RPA2: variants seen among roughly 807,000 people sequenced by gnomAD.
RPA2 encodes the protein replication protein A2.
In RPA2, 22 loss-of-function variants were observed where a neutral mutation model predicts 33.4. The observed-to-expected ratio is 0.66, with a 90% CI of 0.47 to 0.94. RPA2 has a LOEUF of 0.94. Ranked by LOEUF, RPA2 falls within the 40% of genes least tolerant of loss-of-function variation. The probability of loss-of-function intolerance (pLI) is 0.00; values close to 1 mark genes in which losing one functional copy is unlikely to be tolerated. For synonymous variants in RPA2, 109 were observed against 114.9 expected (o/e 0.95, Z 0.33); for missense variants, 279 against 329.9 (o/e 0.85, Z 1.19).
In RPA2 at chr1:27,894,056, C is replaced by G. The variant is rs761625313; in HGVS notation, c.684G>C (p.Gln228His). Residue 228 changes from glutamine to histidine, a missense_variant, in exon 8 of 9, where the codon CAG becomes CAC. Physicochemically the swap from Gln to His is conservative, Grantham distance 24. This residue lies in a region of RPA2 where 274 missense variants were observed against 310.3 expected (regional missense o/e 0.88). Coordinates refer to ENST00000373912, the MANE Select transcript of RPA2 (RefSeq NM_002946.5). ...TGTGTTTCAGCTGGTTCTTGAGATC[C>G]TGAAAGTTCAACCCTTCAGGTCTTG... ...ACPRPEGLNF[Q>H]DLKNQLKHMS... 8 of 1,614,128 alleles carry G rather than the reference C, an allele frequency of 5.0e-6. No homozygotes were observed. The Middle Eastern group carries it at 5.0e-4, about 100-fold the overall frequency.
intron 4 of RPA2, among the ~76,000 whole-genome samples, chr1:27,903,695 G>C (rs2089994220): frequency 6.8e-6 from 1 of 146,878 alleles, no homozygotes; most frequent in African/African-American, 2.5e-5. Flanking sequence ...CTCCAGCCCG[G>C]ATAACACGAG....
chr1:27,914,212 C>A (rs1474881262), intron 1 of RPA2, 43 bp from the exon 2 acceptor site: 3 of 1,611,700 alleles, frequency 1.9e-6, no homozygotes, highest in Non-Finnish European at 2.5e-6. Context: ...ACGTCCCACG[C>A]CTCCGAGAAA....
intron 2 of RPA2, among the ~76,000 whole-genome samples, chr1:27,907,756 TAGA>T (rs28988918): frequency 0.013 from 1,926 of 152,302 alleles, 41 homozygotes; most frequent in African/African-American, 0.043. Flanking sequence ...CTGTAAAAGG[TAGA>T]AGAATAGCTT....
At chr1:27,911,119 G>A (rs2090090599) in intron 2 of RPA2, among the ~76,000 whole-genome samples, 1 of 152,078 alleles carries the variant, frequency 6.6e-6, no homozygotes, top group African/African-American at 2.4e-5. Context: ...GGGAGGCTGA[G>A]GCAGGAGAAT....
chr1:27,899,296 C>A (rs539043633), intron 4 of RPA2, among the ~76,000 whole-genome samples: 12 of 151,464 alleles, frequency 7.9e-5, no homozygotes, highest in African/African-American at 2.9e-4. Flanking sequence ...ATCACGAGGT[C>A]AGGAGTTCGA....
intron 2 of RPA2, among the ~76,000 whole-genome samples, chr1:27,913,608 G>T (rs1029237964): frequency 2.7e-5 from 4 of 150,266 alleles, no homozygotes; most frequent in African/African-American, 7.3e-5. Flanking sequence ...AAAAAAGAAT[G>T]TAAAAGAGAC....
At position 27,894,162 on chromosome 1, in the gene RPA2, G is replaced by A; in HGVS notation, c.634-56C>T. ...ATTATTTTGGATCAGCCTCCCCTTTGCAAACCTGAGTCCCTTTATAGAAAA... is the reference window on the plus strand; with the variant it reads ...ATTATTTTGGATCAGCCTCCCCTTTACAAACCTGAGTCCCTTTATAGAAAA... On this transcript the variant is annotated intron_variant, in intron 7 of 8. Coordinates refer to ENST00000373912, the MANE Select transcript of RPA2 (RefSeq NM_002946.5). 9 of 1,536,416 alleles carry A rather than the reference G, an allele frequency of 5.9e-6. No individual in the cohort carries two copies. The South Asian group carries it at 1.0e-4, about 17-fold the overall frequency.
At chr1:27,897,262 A>G in intron 5 of RPA2, 141 bp from the exon 6 acceptor site, 1 of 601,472 alleles carries the variant, frequency 1.7e-6, no homozygotes, top group Non-Finnish European at 2.9e-6. Flanking sequence ...AGGTATTCCA[A>G]ATATGGTCAA....
At chr1:27,906,024 T>C (rs1404034884) in intron 4 of RPA2, among the ~76,000 whole-genome samples, 3 of 152,184 alleles carry the variant, frequency 2.0e-5, no homozygotes, top group East Asian at 1.9e-4. Context: ...AGGACCACTA[T>C]GTGACTAGCA....
chr1:27,909,801 T>C (rs2090075733), intron 2 of RPA2, among the ~76,000 whole-genome samples: 1 of 152,074 alleles, frequency 6.6e-6, no homozygotes, highest in Non-Finnish European at 1.5e-5. Flanking sequence ...CTAGGAATGA[T>C]ATTATAAAAA....
chr1:27,914,185 G>C lies in RPA2; in HGVS notation c.11-16C>G. 1.2e-6 allele frequency: 2 copies of C among 1,613,744 alleles called. No individual in the cohort carries two copies. Among genetic ancestry groups the C allele is most frequent in the Non-Finnish European group, 1.7e-6 (2 of 1,179,876 alleles). On this transcript the variant is annotated splice_polypyrimidine_tract_variant and intron_variant, in intron 1 of 8. Coordinates refer to ENST00000373912, the MANE Select transcript of RPA2 (RefSeq NM_002946.5). ...TCGAATCCACCTGTTTTGAACAACAGGATTAGTGCCTGTGCCACGTCCCAC... is the reference window on the plus strand; with the variant it reads ...TCGAATCCACCTGTTTTGAACAACACGATTAGTGCCTGTGCCACGTCCCAC...
chr1:27,910,957 T>A (rs2090088761), intron 2 of RPA2, among the ~76,000 whole-genome samples: 1 of 152,118 alleles, frequency 6.6e-6, no homozygotes, highest in Non-Finnish European at 1.5e-5. Flanking sequence ...GGCTCATACC[T>A]GTAATCCCAA....
chr1:27,896,910 G>T, intron 6 of RPA2, 95 bp downstream of exon 6: 1 of 805,796 alleles, frequency 1.2e-6, no homozygotes, highest in Non-Finnish European at 2.0e-6. Context: ...TCTCTGGCTC[G>T]GCCTTCAAAA....
chr1:27,914,396 G>A, intron 1 of RPA2, 38 bp downstream of exon 1: 1 of 1,612,924 alleles, frequency 6.2e-7, no homozygotes, highest in Non-Finnish European at 8.5e-7. Context: ...AACCTCCTGC[G>A]ATTCTCTTCC....
chr1:27,894,529 C>T, intron 6 of RPA2, 132 bp from the exon 7 acceptor site: 1 of 648,716 alleles, frequency 1.5e-6, no homozygotes, highest in South Asian at 2.0e-5. Flanking sequence ...ACACTGCTTA[C>T]ATTGGAGTGG....
intron 4 of RPA2, among the ~76,000 whole-genome samples, chr1:27,906,416 T>C (rs1048003786): frequency 3.3e-4 from 49 of 150,512 alleles, no homozygotes; most frequent in African/African-American, 1.2e-3. Context: ...GGGCTGGGTG[T>C]GGTGGCTCAA....
chr1:27,894,246 CTAT>C (rs1463803757), intron 7 of RPA2, 41 bp downstream of exon 7: 1 of 1,571,986 alleles, frequency 6.4e-7, no homozygotes, highest in Non-Finnish European at 8.7e-7. Context: ...AAATTTAAGA[CTAT>C]CTGTGTTTTG....
intron 6 of RPA2, among the ~76,000 whole-genome samples, chr1:27,894,706 T>A (rs888956881): frequency 1.3e-5 from 2 of 152,144 alleles, no homozygotes; most frequent in African/African-American, 4.8e-5. Context: ...TATTTTGGTA[T>A]CCATGGAGCC....
At chr1:27,900,694 T>C (rs1557467921) in intron 4 of RPA2, among the ~76,000 whole-genome samples, 2 of 152,056 alleles carry the variant, frequency 1.3e-5, no homozygotes, top group Non-Finnish European at 2.9e-5. Flanking sequence ...AGACTGAGCC[T>C]CACTCTGTTA....
Sources: allele counts gnomAD v4.1 joint callset (sites outside exome capture counted in the v4.1 genomes callset), GRCh38; gene constraint gnomAD v4.1.1; regional missense constraint gnomAD v4.1.1; transcripts MANE v1.5; gene names NCBI Gene and HGNC (gene_info 2026-07-23, HGNC 2026-07-21).